CATSPERG: variants seen among roughly 807,000 people sequenced by gnomAD.
CATSPERG encodes catsper channel auxiliary subunit gamma.
A neutral mutation model predicts 145.0 loss-of-function variants in CATSPERG; 115 were observed. The observed-to-expected ratio is 0.79, with a 90% confidence interval of 0.68 to 0.93. The LOEUF (loss-of-function observed/expected upper bound fraction) is 0.93. Among genes scored for constraint, CATSPERG ranks in the 40% least tolerant of loss-of-function variants. The probability of loss-of-function intolerance (pLI) is 0.00; values close to 1 mark genes in which losing one functional copy is unlikely to be tolerated. For synonymous variants in CATSPERG, 588 were observed against 589.0 expected (o/e 1.00, Z 0.02); for missense variants, 1,296 against 1,490.1 (o/e 0.87, Z 2.14).
intron 4 of CATSPERG, 59 bp from the exon 5 acceptor site, chr19:38,343,934 G>A (rs1969981125): frequency 1.3e-6 from 2 of 1,539,220 alleles, no homozygotes; most frequent in Admixed American, 3.9e-5. Context: ...GGTGGTCTGG[G>A]GCCTGGAACC....
At position 38,362,560 on chromosome 19, in the gene CATSPERG, C is replaced by T; in HGVS notation, c.2342C>T (p.Thr781Met). 6.2e-7 allele frequency: 1 copy of T among 1,613,878 alleles called. No individual in the cohort carries two copies. The highest frequency in any genetic ancestry group is 1.3e-5 in the African/African-American group (1 of 75,054). ...TCGGCGCAGGGCCACTCGTTCCGGA[C>T]GCAGTCAGAACTCGGTCTGCGCGGG... is the stretch of plus-strand genomic sequence containing the variant. ...FLSAQGHSFRTQSELGTAFQL... is the reference protein window; with the variant it reads ...FLSAQGHSFRMQSELGTAFQL... The change falls in exon 19 of 29, where the codon ACG (threonine) becomes ATG (methionine). Residue 781 changes from threonine (T) to methionine (M), a missense_variant. By Grantham distance (81) the Thr-to-Met change is moderately conservative. Transcript: ENST00000409235.
At position 38,367,727 on chromosome 19, in the gene CATSPERG, A is replaced by G. The variant is rs772096705; in HGVS notation, c.2881A>G (p.Lys961Glu). The G allele has an allele frequency of 6.8e-6, 11 of 1,613,986 alleles. No homozygotes were observed. In the South Asian group the frequency reaches 1.1e-4, roughly 16 times the overall value. The change falls in exon 25 of 29, where the codon AAG becomes GAG. Residue 961 changes from lysine (K) to glutamate (E), a missense_variant. Lys to Glu is a moderately conservative substitution (Grantham distance 56). Transcript: ENST00000409235. ...TGGCGGGCCCACACTGGACAGCCTC[A>G]AGGACTACAGTGAGGACGAAATCTA... ...VGGGPTLDSL[K>E]DYSEDEIYRF...
chr19:38,361,964 G>T, intron 17 of CATSPERG, 103 bp downstream of exon 17: 1 of 380,988 alleles, frequency 2.6e-6, no homozygotes, highest in Non-Finnish European at 5.0e-6. Context: ...CGGGATTGGA[G>T]AACAGGACTG....
At chr19:38,345,223 A>C (rs1174169339) in intron 6 of CATSPERG, among the ~76,000 whole-genome samples, 2 of 151,298 alleles carry the variant, frequency 1.3e-5, no homozygotes, top group South Asian at 4.2e-4. Flanking sequence ...CCTCCCAAGT[A>C]GCTGGGATTA....
rs199742755 is a variant in CATSPERG at position 38,362,211 on chromosome 19, C to G, written c.2096C>G (p.Pro699Arg). 34 of 1,593,602 alleles carry G rather than the reference C, an allele frequency of 2.1e-5. No individual in the cohort carries two copies. The highest frequency in any genetic ancestry group is 1.4e-4 in the Admixed American group (8 of 56,538). ...LLWLHSVYDK[P>R]YADPVHDPTW... The stretch of plus-strand genomic sequence containing the variant: ...CACGGTGCCGGGCGATCCCTGCAGC[C>G]GTACGCGGACCCGGTGCACGACCCC... The change falls in exon 18 of 29, where the codon CCG becomes CGG. Residue 699 changes from proline to arginine, a missense_variant and splice_region_variant. Transcript: ENST00000409235.
At chr19:38,365,315 T>G in intron 22 of CATSPERG, 198 bp downstream of exon 22, 1 of 583,784 alleles carries the variant, frequency 1.7e-6, no homozygotes. Context: ...TTCACTCTTG[T>G]TGCCCAGGCT....
At chr19:38,346,826 C>A (rs1191778513) in intron 7 of CATSPERG, among the ~76,000 whole-genome samples, 1 of 152,218 alleles carries the variant, frequency 6.6e-6, no homozygotes, top group Non-Finnish European at 1.5e-5. Flanking sequence ...CTGGACCTGG[C>A]AGTTCAACGA....
intron 11 of CATSPERG, 130 bp from the exon 12 acceptor site, chr19:38,358,148 A>T: frequency 2.5e-6 from 2 of 810,052 alleles, no homozygotes; most frequent in Non-Finnish European, 4.0e-6. Flanking sequence ...AACTCTAAGG[A>T]CTAGCAAACC....
At chr19:38,359,771 G>T (rs1007176148) in intron 14 of CATSPERG, 190 bp downstream of exon 14, 2 of 1,340,402 alleles carry the variant, frequency 1.5e-6, no homozygotes, top group African/African-American at 3.0e-5. Context: ...CCAAAGTCAC[G>T]CAGACCGGAG....
At chr19:38,367,847 G>A (rs1453500547) in intron 25 of CATSPERG, 71 bp downstream of exon 25, 6 of 1,435,184 alleles carry the variant, frequency 4.2e-6, no homozygotes, top group African/African-American at 1.4e-5. Context: ...TCCAAGCCAA[G>A]CCCACCTCGC....
chr19:38,356,923 T>C (rs1358565566), intron 11 of CATSPERG, 62 bp downstream of exon 11: 6 of 1,594,412 alleles, frequency 3.8e-6, no homozygotes, highest in African/African-American at 1.3e-5. Context: ...GTGGACTGCA[T>C]GCCCATCCTG....
At position 38,360,855 on chromosome 19, in the gene CATSPERG, C is replaced by G. The variant is rs764276240; in HGVS notation, c.1880+12C>G. 15 of 1,596,724 alleles carry G rather than the reference C, an allele frequency of 9.4e-6. No individual in the cohort carries two copies. The South Asian group carries it at 1.1e-4, about 12-fold the overall frequency. Reference sequence around the variant, plus strand: ...TTGGAGCGGAAAGGGTGAGAAGACACCGGACCATGACAGGGGTCTGAGGGC... The same window carrying G: ...TTGGAGCGGAAAGGGTGAGAAGACAGCGGACCATGACAGGGGTCTGAGGGC... On this transcript the variant is annotated intron_variant, in intron 16 of 28. Coordinates refer to ENST00000409235, the MANE Select transcript of CATSPERG (RefSeq NM_021185.5).
chr19:38,370,591 C>T lies in CATSPERG; in HGVS notation c.3279C>T (p.Leu1093=), dbSNP rs532648170. ...TCGCCTTCTGCCTCCTGTGGCCCCT[C>T]GTGGTGAAGGGCTGCACGATGATCC... ...FYIAFCLLWP[L]VVKGCTMIRW... Residue 1093 remains leucine (L), a synonymous_variant, in exon 29 of 29, where the codon CTC becomes CTT. Transcript: ENST00000409235. The T allele has an allele frequency of 9.9e-6, 16 of 1,614,044 alleles. No homozygotes were observed. The highest frequency in any genetic ancestry group is 3.3e-5 in the Admixed American group (2 of 59,998).
chr19:38,344,882 C>CATAT (rs71334833), intron 6 of CATSPERG, among the ~76,000 whole-genome samples: 3 of 53,324 alleles, frequency 5.6e-5, no homozygotes, highest in Non-Finnish European at 1.3e-4. Flanking sequence ...CACACACACA[C>CATAT]ATATATATAT....
Position 38,367,319 on chromosome 19 carries a change from G to T in CATSPERG, c.2770+7G>T. On this transcript the variant is annotated splice_region_variant and intron_variant, in intron 23 of 28. Transcript: ENST00000409235. ...TGCTTTCTCTTCCGGGACAGTGTGT[G>T]TCCAGTCCCTTCCCCTGCACAGTTC... The T allele has an allele frequency of 6.2e-7, 1 of 1,609,224 alleles. No homozygotes were observed. Among genetic ancestry groups the T allele is most frequent in the Non-Finnish European group, 8.5e-7 (1 of 1,178,876 alleles).
intron 8 of CATSPERG, among the ~76,000 whole-genome samples, chr19:38,353,687 ATG>A (rs1970189806): frequency 8.0e-6 from 1 of 124,252 alleles, no homozygotes. Flanking sequence ...ACAGAGCGAG[ATG>A]CCATCTCAAA....
At chr19:38,357,064 T>A (rs1157498218) in intron 11 of CATSPERG, among the ~76,000 whole-genome samples, 1 of 152,154 alleles carries the variant, frequency 6.6e-6, no homozygotes, top group African/African-American at 2.4e-5. Context: ...TAAAGAGATT[T>A]TATTTTACCT....
In CATSPERG at chr19:38,358,426, G is replaced by T. The variant is rs577229298; in HGVS notation, c.1367-6G>T. 3 of 1,614,148 alleles carry T rather than the reference G, an allele frequency of 1.9e-6. No homozygotes were observed. Among genetic ancestry groups the T allele is most frequent in the Non-Finnish European group, 2.5e-6 (3 of 1,180,014 alleles). On this transcript the variant is annotated splice_polypyrimidine_tract_variant and splice_region_variant and intron_variant, in intron 12 of 28. Transcript: ENST00000409235. ...GCTGTGTCCTCTCTTCCTCTGCTCCGGTCAGCTCGAGGATTGGAGTTCCTG... is the reference window on the plus strand; with the variant it reads ...GCTGTGTCCTCTCTTCCTCTGCTCCTGTCAGCTCGAGGATTGGAGTTCCTG...
At chr19:38,337,107 G>T (rs1466001656) in intron 1 of CATSPERG, 114 bp from the exon 2 acceptor site, 2 of 1,309,448 alleles carry the variant, frequency 1.5e-6, no homozygotes, top group Non-Finnish European at 2.1e-6. Flanking sequence ...AGGAGCAAGA[G>T]CCGGGGCGTG....
Sources: gnomAD v4.1 joint callset for allele counts (sites outside exome capture counted in the v4.1 genomes callset) on GRCh38, gnomAD v4.1.1 for gene constraint, MANE v1.5 for transcripts, NCBI Gene and HGNC (gene_info 2026-07-23, HGNC 2026-07-21) for gene names.